GTF3C5: variants seen among roughly 807,000 people sequenced by gnomAD.
GTF3C5 encodes the protein general transcription factor 3C polypeptide 5.
In GTF3C5, 47 loss-of-function variants were observed where a neutral mutation model predicts 61.0. The observed-to-expected ratio is 0.77, with a 90% CI of 0.61 to 0.98. GTF3C5 has a LOEUF of 0.98. Among genes scored for constraint, GTF3C5 ranks in the 50% least tolerant of loss-of-function variants. The probability of loss-of-function intolerance (pLI) is 0.00; values close to 1 mark genes in which losing one functional copy is unlikely to be tolerated. For synonymous variants in GTF3C5, 295 were observed against 275.4 expected (o/e 1.07, Z -0.71); for missense variants, 659 against 703.3 (o/e 0.94, Z 0.71).
At chr9:133,056,481 C>T (rs1270908657) in intron 9 of GTF3C5, among the ~76,000 whole-genome samples, 2 of 152,186 alleles carry the variant, frequency 1.3e-5, no homozygotes, top group Non-Finnish European at 2.9e-5. Context: ...GAGATGGGAA[C>T]ACATCAAATA....
Position 133,057,796 on chromosome 9 carries a change from T to C in GTF3C5, c.1394-18T>C. 6.3e-7 allele frequency: 1 copy of C among 1,578,374 alleles called. No individual in the cohort carries two copies. Among genetic ancestry groups the C allele is most frequent in the Non-Finnish European group, 8.6e-7 (1 of 1,162,468 alleles). ...AGCCTGCATGGGACACCCATGGCCT[T>C]GTCTCCTCCGGCCCCAGCTCTCTTT... On this transcript the variant is annotated intron_variant, in intron 10 of 10. Transcript: ENST00000372097.
intron 1 of GTF3C5, among the ~76,000 whole-genome samples, chr9:133,035,114 G>A (rs1849830814): frequency 6.6e-6 from 1 of 152,064 alleles, no homozygotes; most frequent in African/African-American, 2.4e-5. Flanking sequence ...GTTTCTTGAC[G>A]GCATGTGCAG....
chr9:133,054,318 G>A, intron 6 of GTF3C5, 90 bp from the exon 7 acceptor site: 1 of 1,091,520 alleles, frequency 9.2e-7, no homozygotes. Context: ...CTGGCCCCAT[G>A]GACCCAACTC....
rs1223866210 is a variant in GTF3C5, at chr9:133,031,040, TG to T, written c.34del (p.Ala12ProfsTer7). The T allele has an allele frequency of 6.2e-7, 1 of 1,612,178 alleles. No homozygotes were observed. Among genetic ancestry groups the T allele is most frequent in the Non-Finnish European group, 8.5e-7 (1 of 1,179,180 alleles). On this transcript the variant is annotated frameshift_variant, in exon 1 of 11. Transcript: ENST00000372097. LOFTEE classifies it high-confidence loss of function. MAAEAADLG[L>X]GAAVPVELRR... The stretch of plus-strand genomic sequence containing the variant: ...GCGGCGGAGGCGGCCGATTTGGGGC[TG>T]GGGGCCGCCGTCCCCGTGGAGCTGA...
intron 1 of GTF3C5, among the ~76,000 whole-genome samples, chr9:133,036,968 A>C (rs1196101309): frequency 6.6e-6 from 1 of 152,100 alleles, no homozygotes; most frequent in Admixed American, 6.6e-5. Flanking sequence ...GAGGGCAGCT[A>C]TCCGTTCTGT....
intron 4 of GTF3C5, 141 bp from the exon 5 acceptor site, chr9:133,051,919 C>T (rs576226488): frequency 3.9e-5 from 21 of 531,676 alleles, no homozygotes; most frequent in African/African-American, 3.7e-4. Flanking sequence ...GGTCCTAGGG[C>T]CACGCCCTGT....
At chr9:133,052,523 C>G (rs1233456204) in intron 5 of GTF3C5, among the ~76,000 whole-genome samples, 1 of 152,086 alleles carries the variant, frequency 6.6e-6, no homozygotes, top group Non-Finnish European at 1.5e-5. Flanking sequence ...AGAACCCAGC[C>G]CCTGACCACA....
In GTF3C5 at chr9:133,055,998, C is replaced by T. The variant is rs748917240; in HGVS notation, c.1168-14C>T. ...TGGCTCACCTTCCCTGTCTCTCTCCCCCTTTGTCACCAGGACTCTGTCTAC... is the reference window on the plus strand; with the variant it reads ...TGGCTCACCTTCCCTGTCTCTCTCCTCCTTTGTCACCAGGACTCTGTCTAC... On this transcript the variant is annotated splice_polypyrimidine_tract_variant and intron_variant, in intron 8 of 10. Transcript: ENST00000372097. 1 of 1,614,052 alleles carries T rather than the reference C, an allele frequency of 6.2e-7. No homozygotes were observed. Among genetic ancestry groups the T allele is most frequent in the South Asian group, 1.1e-5 (1 of 91,078 alleles).
At chr9:133,049,244 C>T (rs1162887563) in intron 3 of GTF3C5, among the ~76,000 whole-genome samples, 3 of 152,230 alleles carry the variant, frequency 2.0e-5, no homozygotes, top group Non-Finnish European at 2.9e-5. Flanking sequence ...CGCAGCCTCT[C>T]CCTACAGGGT....
chr9:133,038,450 C>CTT (rs1185522066), intron 1 of GTF3C5, among the ~76,000 whole-genome samples: 11 of 129,758 alleles, frequency 8.5e-5, no homozygotes, highest in Non-Finnish European at 1.2e-4. Flanking sequence ...CCCCTAGGAG[C>CTT]TTTTTTTTTT....
At chr9:133,053,585 C>G (rs957541395) in intron 5 of GTF3C5, among the ~76,000 whole-genome samples, 1 of 152,042 alleles carries the variant, frequency 6.6e-6, no homozygotes, top group African/African-American at 2.4e-5. Flanking sequence ...CCCTCTCCCC[C>G]AAAAAACAAA....
At chr9:133,044,804 A>G (rs561900666) in intron 3 of GTF3C5, among the ~76,000 whole-genome samples, 2 of 152,218 alleles carry the variant, frequency 1.3e-5, no homozygotes, top group South Asian at 2.1e-4. Context: ...TCTCCTGAGG[A>G]CAGGCGCTCA....
At position 133,037,160 on chromosome 9, in the gene GTF3C5, G is replaced by A. The variant is rs370636182; in HGVS notation, c.154-4927G>A. On this transcript the variant is annotated intron_variant, in intron 1 of 10. Coordinates refer to ENST00000372097, the MANE Select transcript of GTF3C5 (RefSeq NM_012087.4). ...GTCCGGAATGGGGATCTTTCCATTC[G>A]CAAGCAAAAATGTCTCGGCTGTCCT... Among the ~76,000 whole-genome samples the A allele has an allele frequency of 1.3e-4, 20 of 152,260 alleles. 1 individual carries two copies. The East Asian group carries it at 1.5e-3, about 12-fold the overall frequency.
intron 1 of GTF3C5, among the ~76,000 whole-genome samples, chr9:133,035,406 G>T (rs924028658): frequency 1.5e-4 from 23 of 152,086 alleles, no homozygotes; most frequent in Non-Finnish European, 3.1e-4. Context: ...TAGTCTTTTT[G>T]CATATTAGAC....
At chr9:133,044,146 CAAAAAAAAAA>C (rs34524914) in intron 3 of GTF3C5, 24 of 108,516 alleles carry the variant, frequency 2.2e-4, no homozygotes, top group Admixed American at 1.2e-3. Context: ...CTTTGTCTCC[CAAAAAAAAAA>C]AAAAAAAAAA....
At chr9:133,043,672 TG>T (rs1487680533) in intron 2 of GTF3C5, 55 bp from the exon 3 acceptor site, 1 of 1,395,382 alleles carries the variant, frequency 7.2e-7, no homozygotes, top group African/African-American at 1.4e-5. Context: ...TGTCGGTGTG[TG>T]GCAGCTGCCC....
At chr9:133,031,531 TA>T (rs1849732068) in intron 1 of GTF3C5, among the ~76,000 whole-genome samples, 1 of 152,094 alleles carries the variant, frequency 6.6e-6, no homozygotes. Context: ...TTGTATTTTT[TA>T]GTAGAGAGGG....
chr9:133,040,224 T>C (rs1034822639), intron 1 of GTF3C5, among the ~76,000 whole-genome samples: 3 of 152,190 alleles, frequency 2.0e-5, no homozygotes, highest in Non-Finnish European at 4.4e-5. Flanking sequence ...GGTGTGTGTT[T>C]TATGAGGAGG....
rs1393039740 is a variant in GTF3C5, at chr9:133,053,938, A to G, written c.984A>G (p.Lys328=). The G allele has an allele frequency of 5.0e-6, 8 of 1,593,778 alleles. 1 individual carries two copies. In the South Asian group the frequency reaches 5.5e-5, roughly 11 times the overall value. Reference sequence around the variant, plus strand: ...ATTTCCGAATCCGTTGTGGAATGAAACACGGTAAAAATTCCTGAAAGCTTT... The same window carrying G: ...ATTTCCGAATCCGTTGTGGAATGAAGCACGGTAAAAATTCCTGAAAGCTTT... ...VLDFRIRCGM[K]HGYAPSDLPV... is the part of the protein sequence containing the mutation. Residue 328 remains lysine, a synonymous_variant, in exon 6 of 11, where the codon AAA becomes AAG. Coordinates refer to ENST00000372097, the MANE Select transcript of GTF3C5 (RefSeq NM_012087.4).
Sources: allele counts gnomAD v4.1 joint callset (sites outside exome capture counted in the v4.1 genomes callset), GRCh38; gene constraint gnomAD v4.1.1; transcripts MANE v1.5; gene names NCBI Gene and HGNC (gene_info 2026-07-23, HGNC 2026-07-21).